Variants in GUCY1A1 observed in about 807,000 individuals in gnomAD.
GUCY1A1 encodes guanylate cyclase soluble subunit alpha-1.
In GUCY1A1, 48 loss-of-function variants were observed where a neutral mutation model predicts 64.5. That is an observed-to-expected ratio of 0.74 (90% confidence interval 0.59 to 0.95). The LOEUF is 0.95. Ranked by LOEUF, GUCY1A1 falls within the 40% of genes least tolerant of loss-of-function variation. GUCY1A1 has a pLI of 0.00. For missense variants in GUCY1A1, 804 were observed against 825.3 expected, an observed-to-expected ratio of 0.97 and a Z score of 0.32; for synonymous variants, 308 against 303.4, an observed-to-expected ratio of 1.02 and a Z score of -0.16.
At chr4:155,679,824 AT>A (rs1735470721) in intron 2 of GUCY1A1, among the ~76,000 whole-genome samples, 1 of 152,156 alleles carries the variant, frequency 6.6e-6, no homozygotes, top group Non-Finnish European at 1.5e-5. Flanking sequence ...TGGCATTTTT[AT>A]TAAAAAACAA....
chr4:155,698,920 T>C (rs1458027949), intron 3 of GUCY1A1, among the ~76,000 whole-genome samples: 1 of 152,162 alleles, frequency 6.6e-6, no homozygotes, highest in East Asian at 1.9e-4. Flanking sequence ...GTTATCTCTT[T>C]GTTGATGTTT....
Position 155,732,182 on chromosome 4 carries a change from A to C in GUCY1A1, c.*1951A>C, listed in dbSNP as rs1484986142. 6.6e-6 allele frequency: 1 copy of C among 151,914 alleles called. No individual in the cohort carries two copies. The highest frequency in any genetic ancestry group is 1.5e-5 in the Non-Finnish European group (1 of 67,884). 9.4% of individuals were successfully genotyped at this position (151,914 alleles called of 1,614,324 possible). Reference sequence around the variant, plus strand: ...TCAAAAAGTTTATAATTCAATCAGAATTCAAAAAGTATTTTGTGTGTTTGT... The same window carrying C: ...TCAAAAAGTTTATAATTCAATCAGACTTCAAAAAGTATTTTGTGTGTTTGT... On this transcript the variant is annotated 3_prime_UTR_variant, in exon 10 of 10. Coordinates refer to ENST00000506455, the MANE Select transcript of GUCY1A1 (RefSeq NM_001130682.3).
chr4:155,724,523 A>G (rs1275726802), intron 9 of GUCY1A1, among the ~76,000 whole-genome samples: 7 of 152,090 alleles, frequency 4.6e-5, no homozygotes, highest in Non-Finnish European at 2.9e-5. Flanking sequence ...AAATAAAATC[A>G]CTGTCAGTTT....
intron 3 of GUCY1A1, among the ~76,000 whole-genome samples, chr4:155,701,439 A>G (rs1229968468): frequency 1.3e-5 from 2 of 152,128 alleles, no homozygotes; most frequent in Non-Finnish European, 2.9e-5. Flanking sequence ...TAGGAGGAAA[A>G]GACCAGAAAA....
At chr4:155,689,860 T>C (rs1729508749) in intron 2 of GUCY1A1, among the ~76,000 whole-genome samples, 1 of 152,194 alleles carries the variant, frequency 6.6e-6, no homozygotes. Context: ...TTGACCTCTC[T>C]GTTTTGGGAG....
Position 155,711,164 on chromosome 4 carries a change from G to T in GUCY1A1, c.999G>T (p.Gln333His). 1 of 1,613,840 alleles carries T rather than the reference G, an allele frequency of 6.2e-7. No individual in the cohort carries two copies. Among genetic ancestry groups the T allele is most frequent in the Non-Finnish European group, 8.5e-7 (1 of 1,179,726 alleles). Residue 333 changes from glutamine (Q) to histidine (H), a missense_variant, in exon 6 of 10, where the codon CAG becomes CAT. By Grantham distance (24) the Gln-to-His change is conservative. Transcript: ENST00000506455. ...YFEILTPKIN[Q>H]TFSGIMTMLN... ...AAATTCTGACTCCAAAAATCAACCA[G>T]ACGTTTAGCGGGATCATGACTATGT...
intron 4 of GUCY1A1, among the ~76,000 whole-genome samples, chr4:155,706,522 CTT>C (rs755000140): frequency 2.7e-5 from 4 of 145,540 alleles, no homozygotes; most frequent in African/African-American, 5.0e-5. Flanking sequence ...CCCCCCTCCT[CTT>C]TTTTTTTTTT....
At chr4:155,689,391 G>A (rs992061552) in intron 2 of GUCY1A1, among the ~76,000 whole-genome samples, 8 of 152,098 alleles carry the variant, frequency 5.3e-5, no homozygotes, top group Non-Finnish European at 1.0e-4. Flanking sequence ...CTCATGATCA[G>A]CATGATGCAT....
At chr4:155,691,235 A>G (rs1337030297) in intron 2 of GUCY1A1, among the ~76,000 whole-genome samples, 1 of 152,214 alleles carries the variant, frequency 6.6e-6, no homozygotes, top group Non-Finnish European at 1.5e-5. Flanking sequence ...TGGTAGTGCT[A>G]GAGAGGAATG....
chr4:155,693,048 G>C (rs1404506329), intron 2 of GUCY1A1, among the ~76,000 whole-genome samples: 1 of 151,576 alleles, frequency 6.6e-6, no homozygotes. Flanking sequence ...GACAGAGTGA[G>C]ACTCTGTCTC....
intron 6 of GUCY1A1, 39 bp downstream of exon 6, chr4:155,711,290 T>G: frequency 1.8e-6 from 2 of 1,089,690 alleles, no homozygotes; most frequent in Non-Finnish European, 2.8e-6. Flanking sequence ...ATGAAAGCTA[T>G]TTCATATTTA....
chr4:155,710,624 G>A lies in GUCY1A1; in HGVS notation c.459G>A (p.Gly153=), dbSNP rs770668312. The A allele has an allele frequency of 2.5e-6, 4 of 1,613,472 alleles. No individual in the cohort carries two copies. In the Admixed American group the frequency reaches 6.7e-5, roughly 27 times the overall value. ...ACGAGGAAGATGAAAACATCCTTGG[G>A]GTGGTTGGAGGCACCCTTAAAGATT... ...ICYEEDENIL[G]VVGGTLKDFL... is the part of the protein sequence containing the mutation. Residue 153 remains glycine, a synonymous_variant, in exon 6 of 10, where the codon GGG becomes GGA. Transcript: ENST00000506455.
At chr4:155,697,227 C>A (rs1425940841) in intron 3 of GUCY1A1, 105 bp downstream of exon 3, 15 of 793,426 alleles carry the variant, frequency 1.9e-5, no homozygotes, top group South Asian at 3.4e-5. Flanking sequence ...TTCAAGGCTA[C>A]AATAAATGTA....
chr4:155,724,596 T>G (rs1734410643), intron 9 of GUCY1A1, among the ~76,000 whole-genome samples: 1 of 152,120 alleles, frequency 6.6e-6, no homozygotes, highest in Admixed American at 6.6e-5. Flanking sequence ...AAACATTTTC[T>G]TCTTTAAATT....
rs1733350669 is a variant in GUCY1A1 at position 155,717,141 on chromosome 4, A to G, written c.1573-18A>G. 2.9e-6 allele frequency: 4 copies of G among 1,388,988 alleles called. No homozygotes were observed. Among genetic ancestry groups the G allele is most frequent in the Non-Finnish European group, 3.8e-6 (4 of 1,051,956 alleles). The allele number at this position is 1,388,988 out of a possible 1,614,324, so 86.0% of individuals were successfully genotyped here. A position where few individuals can be genotyped will look rare whatever the true frequency, so the allele number is the denominator to read the frequency against. On this transcript the variant is annotated intron_variant, in intron 7 of 9. Coordinates refer to ENST00000506455, the MANE Select transcript of GUCY1A1 (RefSeq NM_001130682.3). ...TCCTGAGCATTTATTTATAGTATGG[A>G]AAATATATTATGTCTAGGTGGAGAC...
chr4:155,705,440 T>C (rs1197059023), intron 4 of GUCY1A1, among the ~76,000 whole-genome samples: 3 of 148,294 alleles, frequency 2.0e-5, no homozygotes, highest in African/African-American at 7.5e-5. Context: ...TCCCAGCTAA[T>C]CAGGCAGGAG....
At chr4:155,714,916 G>A (rs1050625830) in intron 7 of GUCY1A1, among the ~76,000 whole-genome samples, 2 of 152,060 alleles carry the variant, frequency 1.3e-5, no homozygotes, top group African/African-American at 4.8e-5. Flanking sequence ...ATCTTGAGAC[G>A]GTCTCCTGTC....
At position 155,708,220 on chromosome 4, in the gene GUCY1A1, AT is replaced by A; in HGVS notation, c.318-14del. The A allele has an allele frequency of 1.6e-6, 2 of 1,252,632 alleles. No individual in the cohort carries two copies. Among genetic ancestry groups the A allele is most frequent in the Non-Finnish European group, 2.3e-6 (2 of 854,382 alleles). 77.6% of individuals were successfully genotyped at this position (1,252,632 alleles called of 1,614,324 possible). On this transcript the variant is annotated splice_polypyrimidine_tract_variant and intron_variant, in intron 4 of 9. Coordinates refer to ENST00000506455, the MANE Select transcript of GUCY1A1 (RefSeq NM_001130682.3). ...TATTTATAAGTTTATAACTTAAAAT[AT>A]TGAAATATTTCCAGGAAATCTTTGG... is the stretch of plus-strand genomic sequence containing the variant.
chr4:155,712,116 C>A (rs1012936444), intron 6 of GUCY1A1, among the ~76,000 whole-genome samples: 2 of 152,010 alleles, frequency 1.3e-5, no homozygotes, highest in Non-Finnish European at 2.9e-5. Context: ...GGTATCCCAT[C>A]ATATGGTTGT....
Sources: gnomAD v4.1 joint callset for allele counts (sites outside exome capture counted in the v4.1 genomes callset) on GRCh38, gnomAD v4.1.1 for gene constraint, MANE v1.5 for transcripts, NCBI Gene and HGNC (gene_info 2026-07-23, HGNC 2026-07-21) for gene names.